The following PEMT variants were observed in gnomAD, a reference collection of about 807,000 sequenced individuals.
PEMT encodes the protein phospholipid methyltransferase.
A neutral mutation model predicts 27.4 loss-of-function variants in PEMT; 23 were observed. The ratio of observed to expected loss-of-function variants is 0.84; its 90% CI spans 0.60 to 1.19. The LOEUF (loss-of-function observed/expected upper bound fraction) is 1.19, where lower values mean the gene tolerates loss of function less well. Ranked by LOEUF, PEMT falls within the 50% of genes most tolerant of loss-of-function variation. The pLI is 0.00. For missense variants in PEMT, 307 were observed against 310.1 expected, an observed-to-expected ratio of 0.99 and a Z score of 0.07; for synonymous variants, 137 against 139.1, an observed-to-expected ratio of 0.98 and a Z score of 0.11.
chr17:17,584,125 C>T (rs1050386894), intron 1 of PEMT, among the ~76,000 whole-genome samples: 6 of 152,198 alleles, frequency 3.9e-5, no homozygotes, highest in Admixed American at 2.0e-4. Flanking sequence ...TCTTCTCACT[C>T]CTCTGCTGGT....
At chr17:17,584,615 C>T (rs1469116691) in intron 1 of PEMT, among the ~76,000 whole-genome samples, 2 of 152,230 alleles carry the variant, frequency 1.3e-5, no homozygotes, top group East Asian at 3.8e-4. Context: ...CAGCCATCTT[C>T]CTTTTCTTTA....
At chr17:17,591,411 C>A in intron 1 of PEMT, 120 bp downstream of exon 1, 1 of 846,208 alleles carries the variant, frequency 1.2e-6, no homozygotes, top group Non-Finnish European at 1.8e-6. Context: ...ACGCCACGCC[C>A]CCATTGCCTG....
chr17:17,589,995 G>A (rs776281433), intron 1 of PEMT, among the ~76,000 whole-genome samples: 3 of 152,092 alleles, frequency 2.0e-5, no homozygotes, highest in Non-Finnish European at 2.9e-5. Context: ...CCCTGGGGCA[G>A]GCCCCTAGAT....
intron 2 of PEMT, among the ~76,000 whole-genome samples, chr17:17,541,009 C>T (rs555894338): frequency 1.8e-4 from 27 of 152,322 alleles, no homozygotes; most frequent in African/African-American, 6.0e-4. Flanking sequence ...GTGCCAGCCC[C>T]GTGCTGAGTC....
At chr17:17,534,482 T>C (rs957627340) in intron 2 of PEMT, among the ~76,000 whole-genome samples, 2 of 152,232 alleles carry the variant, frequency 1.3e-5, no homozygotes, top group Admixed American at 1.3e-4. Context: ...GGAATGGATA[T>C]GTTCACAGTC....
chr17:17,513,582 CAAAAGAA>C lies in PEMT; in HGVS notation c.321-935_321-929del, dbSNP rs1429711417. Among the ~76,000 whole-genome samples the C allele has an allele frequency of 3.3e-5, 5 of 151,678 alleles. No homozygotes were observed. The highest frequency in any genetic ancestry group is 7.4e-5 in the Non-Finnish European group (5 of 67,946). On this transcript the variant is annotated intron_variant, in intron 3 of 6. Coordinates refer to ENST00000255389, the MANE Select transcript of PEMT (RefSeq NM_148172.3). This position sits in a 1 kb window ranked among gnomAD's most constrained non-coding sequence, Gnocchi z 4.1. Reference sequence around the variant, plus strand: ...TGGGCAATAGAGCGAGACTTAGTATCAAAAGAAAAAAGAAAAAAAGAAAAGGCAGTGG... The same window carrying C: ...TGGGCAATAGAGCGAGACTTAGTATCAAAAGAAAAAAAGAAAAGGCAGTGG...
intron 2 of PEMT, among the ~76,000 whole-genome samples, chr17:17,573,613 G>A (rs1404616063): frequency 6.6e-6 from 1 of 152,140 alleles, no homozygotes. Context: ...GGGAGGGTGG[G>A]CATACGTTAT....
chr17:17,531,215 A>C (rs1908067746), intron 2 of PEMT, among the ~76,000 whole-genome samples: 1 of 152,202 alleles, frequency 6.6e-6, no homozygotes, highest in South Asian at 2.1e-4. Context: ...CCTGAGACTG[A>C]AAGCTATGAA....
At chr17:17,570,114 T>C (rs900887689) in intron 2 of PEMT, among the ~76,000 whole-genome samples, 1 of 152,206 alleles carries the variant, frequency 6.6e-6, no homozygotes, top group African/African-American at 2.4e-5. Flanking sequence ...TGCCTGGACA[T>C]CCATTTCTGC....
At chr17:17,565,954 T>C (rs1162460777) in intron 2 of PEMT, among the ~76,000 whole-genome samples, 3 of 152,212 alleles carry the variant, frequency 2.0e-5, no homozygotes, top group African/African-American at 7.2e-5. Context: ...CTGCTTCTCC[T>C]TGGAGCCCAA....
At chr17:17,576,879 T>C in intron 2 of PEMT, 41 bp downstream of exon 2, 2 of 1,514,368 alleles carry the variant, frequency 1.3e-6, no homozygotes, top group South Asian at 1.1e-5. Flanking sequence ...CACCAAGCAG[T>C]GAGATACTCC....
chr17:17,520,714 AC>A (rs1481913430), intron 3 of PEMT, among the ~76,000 whole-genome samples: 1 of 152,098 alleles, frequency 6.6e-6, no homozygotes, highest in Non-Finnish European at 1.5e-5. Flanking sequence ...CAGGGGACCC[AC>A]CCCTCTGAGG....
intron 2 of PEMT, among the ~76,000 whole-genome samples, chr17:17,529,116 G>A (rs1168064565): frequency 6.6e-6 from 1 of 152,216 alleles, no homozygotes; most frequent in Non-Finnish European, 1.5e-5. Context: ...GCAGGCCCTG[G>A]GCCAGCAAGC....
At chr17:17,516,074 C>T (rs187029084) in intron 3 of PEMT, among the ~76,000 whole-genome samples, 1 of 152,214 alleles carries the variant, frequency 6.6e-6, no homozygotes, top group Non-Finnish European at 1.5e-5. Context: ...TATCTGCAGC[C>T]GACCAGAAAC....
rs1438877917 is a variant in PEMT, at chr17:17,512,849, C to T, written c.321-195G>A. 6.6e-6 allele frequency among the ~76,000 whole-genome samples: 1 copy of T among 152,192 alleles called. No individual in the cohort carries two copies. Among genetic ancestry groups the T allele is most frequent in the East Asian group, 1.9e-4 (1 of 5,184 alleles). On this transcript the variant is annotated intron_variant, in intron 3 of 6. Transcript: ENST00000255389. This position sits in a 1 kb window ranked among gnomAD's most constrained non-coding sequence, Gnocchi z 6.3. ...TGGGTGACAGTAACAGGGAGGGGCC[C>T]AGGCCTGTCAGATTTTTAAATTTTT...
chr17:17,560,454 C>T (rs1481301233), intron 2 of PEMT, among the ~76,000 whole-genome samples: 6 of 152,208 alleles, frequency 3.9e-5, no homozygotes, highest in Non-Finnish European at 5.9e-5. Context: ...GAAAAGGAGA[C>T]AGAGGTACCT....
intron 1 of PEMT, among the ~76,000 whole-genome samples, chr17:17,589,714 A>G (rs1912497702): frequency 6.6e-6 from 1 of 152,170 alleles, no homozygotes; most frequent in African/African-American, 2.4e-5. Flanking sequence ...TTGATTGAGG[A>G]GGGAGTAGAG....
At chr17:17,568,826 T>A (rs942782523) in intron 2 of PEMT, among the ~76,000 whole-genome samples, 6 of 152,202 alleles carry the variant, frequency 3.9e-5, no homozygotes, top group South Asian at 2.1e-4. Context: ...CACCTTTTCT[T>A]CCTTCTCCTC....
intron 2 of PEMT, among the ~76,000 whole-genome samples, chr17:17,535,257 G>A (rs1014686725): frequency 6.6e-6 from 1 of 152,124 alleles, no homozygotes; most frequent in Admixed American, 6.6e-5. Context: ...AATGTTTAAT[G>A]TATTATATTA....
Sources: gnomAD v4.1 joint callset for allele counts (sites outside exome capture counted in the v4.1 genomes callset) on GRCh38, gnomAD v4.1.1 for gene constraint, Gnocchi (gnomAD v3.1) non-coding constraint, MANE v1.5 for transcripts, NCBI Gene and HGNC (gene_info 2026-07-23, HGNC 2026-07-21) for gene names.